The following NBEA variants were observed in gnomAD, a reference collection of about 807,000 sequenced individuals.
The protein encoded by NBEA is lysosomal-trafficking regulator 2.
A neutral mutation model predicts 343.4 loss-of-function variants in NBEA; 44 were observed. The observed-to-expected ratio is 0.13, with a 90% CI of 0.10 to 0.16. The LOEUF (loss-of-function observed/expected upper bound fraction) is 0.16. NBEA is among the 10% of genes least tolerant of loss of function. NBEA has a pLI of 1.00. For synonymous variants in NBEA, 1,175 were observed against 1,238.7 expected, an observed-to-expected ratio of 0.95 and a Z score of 1.08; for missense variants, 2,555 against 3,631.3, an observed-to-expected ratio of 0.70 and a Z score of 7.62.
intron 36 of NBEA, among the ~76,000 whole-genome samples, chr13:35,336,317 A>G (rs1269374726): frequency 2.6e-5 from 4 of 152,148 alleles, no homozygotes; most frequent in Admixed American, 2.6e-4. Context: ...AACCAAATCA[A>G]TAGAAACTCT....
intron 1 of NBEA, among the ~76,000 whole-genome samples, chr13:35,005,917 A>G (rs191502805): frequency 1.3e-5 from 2 of 152,312 alleles, no homozygotes; most frequent in East Asian, 1.9e-4. Context: ...CTCTTGGAAG[A>G]GACAGGAACC....
chr13:35,575,838 T>C (rs1240801864), intron 45 of NBEA, among the ~76,000 whole-genome samples: 1 of 152,172 alleles, frequency 6.6e-6, no homozygotes, highest in African/African-American at 2.4e-5. Flanking sequence ...TCTTCTGTCT[T>C]ATCTGTCTAA....
intron 1 of NBEA, among the ~76,000 whole-genome samples, chr13:34,973,243 C>G (rs1279763210): frequency 1.3e-5 from 2 of 152,000 alleles, no homozygotes; most frequent in Non-Finnish European, 2.9e-5. Flanking sequence ...GCTGGAGATC[C>G]TGACTGGCAG....
chr13:35,106,003 C>T (rs759815981), intron 11 of NBEA, among the ~76,000 whole-genome samples: 10 of 151,962 alleles, frequency 6.6e-5, no homozygotes, highest in South Asian at 2.1e-4. Flanking sequence ...ACCTCTAGTG[C>T]TCCTATTTGG....
intron 38 of NBEA, among the ~76,000 whole-genome samples, chr13:35,360,094 T>TAA (rs1343856060): frequency 2.0e-5 from 3 of 151,932 alleles, no homozygotes; most frequent in African/African-American, 7.2e-5. Flanking sequence ...AGCTAAGTAA[T>TAA]AGAGACAGGA....
chr13:35,033,027 T>C (rs1321845983), intron 1 of NBEA, among the ~76,000 whole-genome samples: 1 of 151,910 alleles, frequency 6.6e-6, no homozygotes, highest in Non-Finnish European at 1.5e-5. Flanking sequence ...CATTTGTTCA[T>C]GTTTGCTTTG....
At chr13:35,455,016 C>G (rs2046495602) in intron 40 of NBEA, among the ~76,000 whole-genome samples, 1 of 151,974 alleles carries the variant, frequency 6.6e-6, no homozygotes, top group African/African-American at 2.4e-5. Context: ...ATAAAAATCA[C>G]AGGTTTATCT....
intron 35 of NBEA, among the ~76,000 whole-genome samples, chr13:35,296,724 T>G (rs2036157829): frequency 6.6e-6 from 1 of 152,044 alleles, no homozygotes; most frequent in Non-Finnish European, 1.5e-5. Flanking sequence ...TTACAACAAC[T>G]TTGAAAAATA....
At position 35,020,131 on chromosome 13, in the gene NBEA, A is replaced by G. The variant is rs184811172; in HGVS notation, c.295-20802A>G. ...TTGAATTGAAAGCTTCTATAGTAAT[A>G]TAAGTCTTTTAATGTTATACATTTC... On this transcript the variant is annotated intron_variant, in intron 1 of 58. Transcript: ENST00000379939. Among the ~76,000 whole-genome samples the G allele has an allele frequency of 4.6e-5, 7 of 152,222 alleles. No individual in the cohort carries two copies. The East Asian group carries it at 9.7e-4, about 21-fold the overall frequency.
chr13:35,639,654 A>G (rs2083849184), intron 49 of NBEA, among the ~76,000 whole-genome samples: 2 of 152,140 alleles, frequency 1.3e-5, no homozygotes, highest in African/African-American at 4.8e-5. Context: ...AAACTTTGAA[A>G]ATCTTTTTCT....
Position 35,118,486 on chromosome 13 carries a change from A to G in NBEA, c.2243+12A>G, listed in dbSNP as rs899351992. Reference sequence around the variant, plus strand: ...AGAAATGGAATAAGGTATGATTATAATATTAGTATTACTATTAGACTTTAA... The same window carrying G: ...AGAAATGGAATAAGGTATGATTATAGTATTAGTATTACTATTAGACTTTAA... On this transcript the variant is annotated intron_variant, in intron 16 of 58. Transcript: ENST00000379939. 6 of 1,551,342 alleles carry G rather than the reference A, an allele frequency of 3.9e-6. No homozygotes were observed. Among genetic ancestry groups the G allele is most frequent in the Non-Finnish European group, 5.3e-6 (6 of 1,139,086 alleles).
At chr13:35,618,701 A>G (rs2082846926) in intron 48 of NBEA, among the ~76,000 whole-genome samples, 1 of 152,244 alleles carries the variant, frequency 6.6e-6, no homozygotes, top group African/African-American at 2.4e-5. Context: ...TGAAACATTA[A>G]TAAAGCATTG....
intron 41 of NBEA, among the ~76,000 whole-genome samples, chr13:35,484,110 G>A (rs866265775): frequency 1.3e-5 from 2 of 151,956 alleles, no homozygotes; most frequent in African/African-American, 2.4e-5. Context: ...CCAACAGCAT[G>A]TATTCAGTCA....
In NBEA at chr13:35,294,083, A is replaced by C. The variant is rs968630227; in HGVS notation, c.5838+3633A>C. Reference sequence around the variant, plus strand: ...GTCTTAGTTAGGCATCTGTGTATGAAGTCACTAACATGAATTATTTTGTGG... The same window carrying C: ...GTCTTAGTTAGGCATCTGTGTATGACGTCACTAACATGAATTATTTTGTGG... On this transcript the variant is annotated intron_variant, in intron 35 of 58. Coordinates refer to ENST00000379939, the MANE Select transcript of NBEA (RefSeq NM_001385012.1). 2.0e-5 allele frequency among the ~76,000 whole-genome samples: 3 copies of C among 152,066 alleles called. No individual in the cohort carries two copies. The East Asian group carries it at 5.8e-4, about 29-fold the overall frequency.
intron 41 of NBEA, among the ~76,000 whole-genome samples, chr13:35,490,811 T>C (rs1392725934): frequency 6.6e-6 from 1 of 151,922 alleles, no homozygotes; most frequent in African/African-American, 2.4e-5. Context: ...GTTAAGAATC[T>C]GAAACACAGA....
chr13:34,999,383 A>T (rs2061046584), intron 1 of NBEA, among the ~76,000 whole-genome samples: 1 of 151,972 alleles, frequency 6.6e-6, no homozygotes. Context: ...GCTCTCCCCC[A>T]ATACTCTCTT....
intron 40 of NBEA, among the ~76,000 whole-genome samples, chr13:35,460,417 GACA>G (rs1321605149): frequency 1.3e-5 from 2 of 152,142 alleles, no homozygotes; most frequent in African/African-American, 4.8e-5. Flanking sequence ...AGCTCTTAGA[GACA>G]ACATTAATAC....
At chr13:35,134,145 G>A (rs61947427) in intron 17 of NBEA, among the ~76,000 whole-genome samples, 9,133 of 151,968 alleles carry the variant, frequency 0.06, 371 homozygotes, top group Middle Eastern at 0.17. Flanking sequence ...ATCAAATAGC[G>A]ATGTCAAAAA....
At chr13:35,372,128 G>A (rs2041466768) in intron 38 of NBEA, among the ~76,000 whole-genome samples, 1 of 152,182 alleles carries the variant, frequency 6.6e-6, no homozygotes, top group African/African-American at 2.4e-5. Flanking sequence ...TGGCAGCAGA[G>A]GGCCAGGTGG....
Sources: gnomAD v4.1 joint callset for allele counts (sites outside exome capture counted in the v4.1 genomes callset) on GRCh38, gnomAD v4.1.1 for gene constraint, MANE v1.5 for transcripts, NCBI Gene and HGNC (gene_info 2026-07-23, HGNC 2026-07-21) for gene names.